Variants in RERE observed in about 807,000 individuals in gnomAD.
RERE encodes the protein arginine-glutamic acid dipeptide repeats, also known as arginine-glutamic acid dipeptide repeats protein.
Under a neutral mutation model 146.1 loss-of-function variants are expected in RERE, and 40 were observed. The observed-to-expected ratio is 0.27, with a 90% CI of 0.21 to 0.36. RERE has a LOEUF of 0.36. Among genes scored for constraint, RERE ranks in the 10% least tolerant of loss-of-function variants. The pLI, the probability that RERE is intolerant of heterozygous loss-of-function variation, is 1.00. For synonymous variants in RERE, 1,003 were observed against 866.0 expected (o/e 1.16, Z -2.78); for missense variants, 1,933 against 2,138.7 (o/e 0.90, Z 1.90).
chr1:8,423,538 A>T lies in RERE; in HGVS notation c.1204-731T>A. 1 of 984,354 alleles carries T rather than the reference A, an allele frequency of 1.0e-6. No homozygotes were observed. Among genetic ancestry groups the T allele is most frequent in the Non-Finnish European group, 1.2e-6 (1 of 829,342 alleles). The allele number at this position is 984,354 out of a possible 1,614,324, so 61.0% of individuals were successfully genotyped here. A position where few individuals can be genotyped will look rare whatever the true frequency, so the allele number is the denominator to read the frequency against. The stretch of plus-strand genomic sequence containing the variant: ...CACCCCTCCCCGCCCCGGTGGGGGC[A>T]GCTCCTGGCTCCGAGCCCCCACCTC... On this transcript the variant is annotated intron_variant, in intron 11 of 22. Transcript: ENST00000400908. This position sits in a 1 kb window ranked among gnomAD's most constrained non-coding sequence, Gnocchi z 5.4.
At chr1:8,522,873 C>CAAA (rs375276358) in intron 7 of RERE, among the ~76,000 whole-genome samples, 1 of 127,560 alleles carries the variant, frequency 7.8e-6, no homozygotes, top group African/African-American at 2.9e-5. Context: ...GACTCCGTCT[C>CAAA]AAAAAAAAAA....
chr1:8,459,677 A>G (rs1414811499), intron 11 of RERE, among the ~76,000 whole-genome samples: 2 of 152,244 alleles, frequency 1.3e-5, no homozygotes, highest in Non-Finnish European at 2.9e-5. Flanking sequence ...GAAGAGAGCA[A>G]GAAGCCAGCA....
intron 4 of RERE, among the ~76,000 whole-genome samples, chr1:8,600,817 C>CA (rs1389505903): frequency 1.4e-5 from 2 of 141,220 alleles, no homozygotes; most frequent in African/African-American, 5.4e-5. Context: ...TGCAGTGGTG[C>CA]AATCTCGGCT....
chr1:8,616,920 T>A lies in RERE; in HGVS notation c.397-2234A>T, dbSNP rs1294906263. On this transcript the variant is annotated intron_variant, in intron 3 of 22. Coordinates refer to ENST00000400908, the MANE Select transcript of RERE (RefSeq NM_001042681.2). ...TTAATACCACTCTGTCCACTAGAGG[T>A]TGACATCAGTATCATGCAAAAAGGA... Among the ~76,000 whole-genome samples, 2 of 152,138 alleles carry A rather than the reference T, an allele frequency of 1.3e-5. 1 individual carries two copies. The highest frequency in any genetic ancestry group is 2.9e-5 in the Non-Finnish European group (2 of 68,034).
chr1:8,816,307 G>T (rs1641910241), intron 1 of RERE, among the ~76,000 whole-genome samples: 1 of 152,080 alleles, frequency 6.6e-6, no homozygotes, highest in South Asian at 2.1e-4. Context: ...CTTTCTAAAT[G>T]TACCTTAAAA....
intron 4 of RERE, among the ~76,000 whole-genome samples, chr1:8,586,041 C>T (rs1326781884): frequency 2.6e-5 from 4 of 152,162 alleles, no homozygotes; most frequent in African/African-American, 9.7e-5. Context: ...GATCCAGCTA[C>T]TAATACACAA....
chr1:8,562,893 T>C (rs887959909), intron 4 of RERE, among the ~76,000 whole-genome samples: 1 of 152,158 alleles, frequency 6.6e-6, no homozygotes. Flanking sequence ...AAGATCCTTA[T>C]GGTAGCTATC....
At chr1:8,419,420 T>C (rs1643862649) in intron 12 of RERE, among the ~76,000 whole-genome samples, 1 of 152,206 alleles carries the variant, frequency 6.6e-6, no homozygotes, top group Non-Finnish European at 1.5e-5. Context: ...AACCCTTCTC[T>C]GCTATAACCG....
chr1:8,529,855 A>G (rs1489570855), intron 7 of RERE, among the ~76,000 whole-genome samples: 1 of 152,094 alleles, frequency 6.6e-6, no homozygotes. Context: ...ACAAATTCCA[A>G]TTTTAGAAAT....
At chr1:8,593,508 T>G (rs1434160024) in intron 4 of RERE, among the ~76,000 whole-genome samples, 1 of 152,176 alleles carries the variant, frequency 6.6e-6, no homozygotes, top group Non-Finnish European at 1.5e-5. Context: ...TTTGCCTCCT[T>G]ATTTGCCATG....
At chr1:8,445,364 C>T (rs939739334) in intron 11 of RERE, among the ~76,000 whole-genome samples, 1 of 152,244 alleles carries the variant, frequency 6.6e-6, no homozygotes, top group African/African-American at 2.4e-5. Context: ...CCAAAGCTGA[C>T]TATAGCTCTG....
At chr1:8,639,308 A>G (rs1279787868) in intron 2 of RERE, among the ~76,000 whole-genome samples, 1 of 152,188 alleles carries the variant, frequency 6.6e-6, no homozygotes, top group Non-Finnish European at 1.5e-5. Flanking sequence ...AAAACATATG[A>G]CAAAACTGAT....
intron 8 of RERE, among the ~76,000 whole-genome samples, chr1:8,508,181 G>A (rs1383393782): frequency 6.6e-6 from 1 of 152,194 alleles, no homozygotes; most frequent in African/African-American, 2.4e-5. Context: ...GATGAACCAT[G>A]AGGACATTAT....
intron 4 of RERE, among the ~76,000 whole-genome samples, chr1:8,609,578 CA>C (rs1646765999): frequency 6.6e-6 from 1 of 151,918 alleles, no homozygotes; most frequent in Non-Finnish European, 1.5e-5. Context: ...GGGAGTATGC[CA>C]AAGCAGGGAA....
chr1:8,717,917 G>C (rs181777850), intron 1 of RERE, among the ~76,000 whole-genome samples: 1 of 152,288 alleles, frequency 6.6e-6, no homozygotes, highest in East Asian at 1.9e-4. Flanking sequence ...AACTAAGTAG[G>C]GGGAAAGGGC....
At chr1:8,726,782 G>A (rs966070704) in intron 1 of RERE, among the ~76,000 whole-genome samples, 2 of 151,924 alleles carry the variant, frequency 1.3e-5, no homozygotes, top group African/African-American at 2.4e-5. Flanking sequence ...CAAGCTTTCA[G>A]TATTCTAATA....
chr1:8,459,111 T>C (rs1036733523), intron 11 of RERE, among the ~76,000 whole-genome samples: 3 of 152,200 alleles, frequency 2.0e-5, no homozygotes, highest in South Asian at 2.1e-4. Flanking sequence ...ATCCATACTA[T>C]TGACTTCTTT....
intron 1 of RERE, among the ~76,000 whole-genome samples, chr1:8,781,381 T>A (rs922075289): frequency 2.6e-5 from 4 of 151,548 alleles, no homozygotes; most frequent in Admixed American, 6.6e-5. Flanking sequence ...AACTTTTTTT[T>A]AAATTAGCTG....
intron 1 of RERE, among the ~76,000 whole-genome samples, chr1:8,669,500 A>T (rs1638665426): frequency 6.6e-6 from 1 of 152,234 alleles, no homozygotes; most frequent in African/African-American, 2.4e-5. Flanking sequence ...CTGAATTACA[A>T]ACTAACAAGA....
Sources: allele counts gnomAD v4.1 joint callset (sites outside exome capture counted in the v4.1 genomes callset), GRCh38; gene constraint gnomAD v4.1.1; non-coding constraint Gnocchi (gnomAD v3.1); transcripts MANE v1.5; gene names NCBI Gene and HGNC (gene_info 2026-07-23, HGNC 2026-07-21).